ABCG1: variants seen among roughly 807,000 people sequenced by gnomAD.
ABCG1 encodes the protein ATP-binding cassette sub-family G member 1.
ABCG1 carries 29 observed loss-of-function variants against 69.2 expected under a neutral mutation model. That is an observed-to-expected ratio of 0.42 (90% CI 0.31 to 0.57). The LOEUF is 0.57. ABCG1 is among the 20% of genes least tolerant of loss of function. ABCG1 has a pLI of 0.15. For missense variants in ABCG1, 718 were observed against 898.1 expected (o/e 0.80, Z 2.56); for synonymous variants, 370 against 374.8 (o/e 0.99, Z 0.15).
At chr21:42,256,720 G>T (rs2068312099) in intron 2 of ABCG1, 1 of 1,403,244 alleles carries the variant, frequency 7.1e-7, no homozygotes, top group East Asian at 2.6e-5. Flanking sequence ...TGGGAGCATT[G>T]CAGGAATAGG....
In ABCG1 at chr21:42,284,563, C is replaced by T. The variant is rs1425117219; in HGVS notation, c.738C>T (p.Gly246=). ...PVMFFDEPTS[G]LDSASCFQVV... ...CACGGTGCCTCTTGACTTGCAGCGG[C>T]CTGGACAGCGCCTCCTGCTTCCAGG... is the stretch of plus-strand genomic sequence containing the variant. Residue 246 remains glycine (G), a synonymous_variant, in exon 7 of 15, where the codon GGC becomes GGT. Transcript: ENST00000398449. 1 of 1,613,170 alleles carries T rather than the reference C, an allele frequency of 6.2e-7. No homozygotes were observed. Among genetic ancestry groups the T allele is most frequent in the Non-Finnish European group, 8.5e-7 (1 of 1,179,994 alleles).
At chr21:42,274,845 A>C (rs571003399) in intron 4 of ABCG1, among the ~76,000 whole-genome samples, 4 of 152,236 alleles carry the variant, frequency 2.6e-5, no homozygotes, top group Non-Finnish European at 5.9e-5. Context: ...GAGCAGAGGC[A>C]ACCACCAGAA....
At chr21:42,271,960 AT>A (rs1379013313) in intron 3 of ABCG1, among the ~76,000 whole-genome samples, 7 of 152,254 alleles carry the variant, frequency 4.6e-5, no homozygotes, top group Non-Finnish European at 8.8e-5. Context: ...AATGTCATCC[AT>A]TTGGGAATGA....
chr21:42,211,727 A>C (rs1470398494), upstream of ABCG1, among the ~76,000 whole-genome samples: 2 of 117,650 alleles, frequency 1.7e-5, no homozygotes, highest in East Asian at 3.2e-4. Context: ...TAAAAATACA[A>C]AAAAAAAAAA....
rs755901630 is a variant in ABCG1, at chr21:42,282,251, GTC to G, written c.589-18_589-17del. The G allele has an allele frequency of 3.1e-6, 5 of 1,604,796 alleles. No individual in the cohort carries two copies. The African/African-American group carries it at 6.7e-5, about 21-fold the overall frequency. On this transcript the variant is annotated intron_variant, in intron 5 of 14. Transcript: ENST00000398449. ...TGAGCTTTGGCGGGCAGCTCCCAAT[GTC>G]TCTCGTTCTGTTGCCCCCAGGTCAA...
chr21:42,260,231 CA>C, intron 2 of ABCG1: 1 of 1,532,702 alleles, frequency 6.5e-7, no homozygotes, highest in South Asian at 1.2e-5. Flanking sequence ...CTGCAGGTGG[CA>C]TTGGGCGGCA....
chr21:42,239,192 C>T (rs1259633093), intron 2 of ABCG1, among the ~76,000 whole-genome samples: 2 of 152,162 alleles, frequency 1.3e-5, no homozygotes, highest in African/African-American at 4.8e-5. Flanking sequence ...TCAGAATTGG[C>T]TCCACCGCCT....
chr21:42,293,456 C>T (rs1479341526), intron 13 of ABCG1, among the ~76,000 whole-genome samples: 1 of 140,732 alleles, frequency 7.1e-6, no homozygotes, highest in Non-Finnish European at 1.5e-5. Context: ...ACTACACACA[C>T]ACCACACTAC....
intron 11 of ABCG1, among the ~76,000 whole-genome samples, 174 bp downstream of exon 11, chr21:42,290,392 T>C (rs1403300753): frequency 1.3e-5 from 2 of 152,176 alleles, no homozygotes; most frequent in Non-Finnish European, 1.5e-5. Context: ...TGCTGTTAGA[T>C]AAGAAAATAC....
At chr21:42,255,277 T>G (rs553170451) in intron 2 of ABCG1, among the ~76,000 whole-genome samples, 100 of 152,044 alleles carry the variant, frequency 6.6e-4, no homozygotes, top group Admixed American at 9.8e-4. Context: ...ACAGGATGTA[T>G]GTACATGGTG....
At chr21:42,256,310 T>G in intron 2 of ABCG1, 8 of 1,539,322 alleles carry the variant, frequency 5.2e-6, no homozygotes, top group Non-Finnish European at 7.0e-6. Context: ...TTGCCCGGAG[T>G]CTACAGAGGG....
intron 2 of ABCG1, among the ~76,000 whole-genome samples, chr21:42,229,357 G>A (rs1248537484): frequency 3.3e-5 from 5 of 152,172 alleles, no homozygotes; most frequent in East Asian, 1.9e-4. Context: ...TAATGATCAC[G>A]CGGAGGCTGG....
At chr21:42,294,695 G>A (rs886358333) in intron 14 of ABCG1, 35 bp downstream of exon 14, 10 of 1,585,330 alleles carry the variant, frequency 6.3e-6, no homozygotes, top group Admixed American at 3.3e-5. Flanking sequence ...CGTGGGGACC[G>A]AGGGTGACGG....
chr21:42,262,645 C>T (rs933970950), intron 2 of ABCG1, among the ~76,000 whole-genome samples: 14 of 152,294 alleles, frequency 9.2e-5, no homozygotes, highest in African/African-American at 2.6e-4. Context: ...AGGAGGGGAA[C>T]GGCTGGGAAC....
At chr21:42,226,156 T>C (rs2067813907) in intron 2 of ABCG1, among the ~76,000 whole-genome samples, 1 of 152,228 alleles carries the variant, frequency 6.6e-6, no homozygotes, top group Admixed American at 6.5e-5. Context: ...GATGTCATTA[T>C]GGAGAATTTC....
At chr21:42,234,350 C>T (rs974887577) in intron 2 of ABCG1, among the ~76,000 whole-genome samples, 1 of 152,180 alleles carries the variant, frequency 6.6e-6, no homozygotes, top group Non-Finnish European at 1.5e-5. Flanking sequence ...TTTCCTTACC[C>T]AAGACATAAA....
upstream of ABCG1, among the ~76,000 whole-genome samples, chr21:42,212,027 T>C (rs2067594397): frequency 6.6e-6 from 1 of 152,186 alleles, no homozygotes; most frequent in Non-Finnish European, 1.5e-5. Flanking sequence ...GGAGCCCCTT[T>C]CCTTTCTACC....
upstream of ABCG1, among the ~76,000 whole-genome samples, chr21:42,215,308 G>A (rs692369): frequency 0.015 from 2,323 of 152,306 alleles, 55 homozygotes; most frequent in African/African-American, 0.05. Context: ...GGATCCTCAC[G>A]CCAGAGGCCA....
Position 42,287,792 on chromosome 21 carries a change from C to T in ABCG1, c.974-97C>T. On this transcript the variant is annotated intron_variant, in intron 8 of 14. Transcript: ENST00000398449. The surrounding 1 kb of genome is among the most constrained non-coding windows in gnomAD (Gnocchi z 6.2). ...CCGCCACGCAGCATCTATGTAATCGCTTTAAAACATTCCCACTTGAATAAC... is the reference window on the plus strand; with the variant it reads ...CCGCCACGCAGCATCTATGTAATCGTTTTAAAACATTCCCACTTGAATAAC... The T allele has an allele frequency of 1.5e-6, 2 of 1,309,948 alleles. No individual in the cohort carries two copies. Among genetic ancestry groups the T allele is most frequent in the Non-Finnish European group, 2.1e-6 (2 of 954,858 alleles). The allele number at this position is 1,309,948 out of a possible 1,614,324, so 81.1% of individuals were successfully genotyped here. A position where few individuals can be genotyped will look rare whatever the true frequency, so the allele number is the denominator to read the frequency against.
Sources: allele counts gnomAD v4.1 joint callset (sites outside exome capture counted in the v4.1 genomes callset), GRCh38; gene constraint gnomAD v4.1.1; non-coding constraint Gnocchi (gnomAD v3.1); transcripts MANE v1.5; gene names NCBI Gene and HGNC (gene_info 2026-07-23, HGNC 2026-07-21).